RBM19: variants seen among roughly 807,000 people sequenced by gnomAD.
RBM19 encodes RNA binding motif protein 19.
In RBM19, 94 loss-of-function variants were observed where a neutral mutation model predicts 116.8. The ratio of observed to expected loss-of-function variants is 0.80; its 90% CI spans 0.68 to 0.95. The LOEUF is 0.95. Ranked by LOEUF, RBM19 falls within the 40% of genes least tolerant of loss-of-function variation. The pLI, the probability that RBM19 is intolerant of heterozygous loss-of-function variation, is 0.00. For missense variants in RBM19, 1,161 were observed against 1,220.7 expected (o/e 0.95, Z 0.73); for synonymous variants, 475 against 494.1 (o/e 0.96, Z 0.51).
chr12:113,938,426 T>TG (rs897697587), intron 15 of RBM19, among the ~76,000 whole-genome samples: 1 of 111,332 alleles, frequency 9.0e-6, no homozygotes, highest in African/African-American at 4.6e-5. Flanking sequence ...TAAGAATTGC[T>TG]GGGGGGCATA....
chr12:113,933,005 G>C lies in RBM19; in HGVS notation c.2068+4002C>G, dbSNP rs73399011. On this transcript the variant is annotated intron_variant, in intron 16 of 23. Transcript: ENST00000261741. ...GGCCTCCTCCCCTTTCCCGGCTCTCGGCGCTGGAGCTGACAGCAAAGACTG... is the reference window on the plus strand; with the variant it reads ...GGCCTCCTCCCCTTTCCCGGCTCTCCGCGCTGGAGCTGACAGCAAAGACTG... Among the ~76,000 whole-genome samples the C allele has an allele frequency of 6.8e-3, 1,029 of 152,162 alleles. 11 individuals carry two copies. The highest frequency in any genetic ancestry group is 0.023 in the African/African-American group (944 of 41,502).
chr12:113,946,220 T>G (rs1411220558), intron 12 of RBM19, 134 bp downstream of exon 12: 14 of 1,228,274 alleles, frequency 1.1e-5, no homozygotes, highest in Non-Finnish European at 1.5e-5. Context: ...ATTTTACAGA[T>G]GAGAAAACTG....
At chr12:113,889,648 T>TA (rs1173950398) in intron 21 of RBM19, among the ~76,000 whole-genome samples, 3 of 136,490 alleles carry the variant, frequency 2.2e-5, no homozygotes, top group Admixed American at 7.6e-5. Context: ...TTTTTCATAC[T>TA]AAAAAAACAA....
At chr12:113,924,780 T>C in intron 17 of RBM19, 23 bp from the exon 18 acceptor site, 1 of 1,526,628 alleles carries the variant, frequency 6.6e-7, no homozygotes, top group South Asian at 1.1e-5. Flanking sequence ...GTAACAAGTA[T>C]CATCAGCAGC....
intron 23 of RBM19, among the ~76,000 whole-genome samples, chr12:113,830,596 A>T (rs1435213447): frequency 1.7e-4 from 12 of 68,600 alleles, no homozygotes; most frequent in African/African-American, 2.4e-4. Flanking sequence ...GGGGTGGGCT[A>T]TGCCTGGGGG....
intron 7 of RBM19, among the ~76,000 whole-genome samples, chr12:113,954,383 G>A (rs566427191): frequency 6.6e-6 from 1 of 152,268 alleles, no homozygotes; most frequent in South Asian, 2.1e-4. Flanking sequence ...AAATGTATCA[G>A]TGGACGTCAC....
intron 22 of RBM19, among the ~76,000 whole-genome samples, chr12:113,852,195 T>C (rs553357289): frequency 1.5e-4 from 23 of 152,268 alleles, no homozygotes; most frequent in African/African-American, 5.5e-4. Flanking sequence ...CTCACTCTGA[T>C]CTCTGTAGGA....
intron 21 of RBM19, among the ~76,000 whole-genome samples, chr12:113,900,728 C>A (rs574344617): frequency 1.3e-5 from 2 of 152,324 alleles, no homozygotes; most frequent in Admixed American, 1.3e-4. Context: ...ACTCAGCTAA[C>A]CCGAGTATGT....
At chr12:113,853,402 A>G (rs939634990) in intron 22 of RBM19, among the ~76,000 whole-genome samples, 8 of 152,238 alleles carry the variant, frequency 5.3e-5, no homozygotes, top group Admixed American at 2.0e-4. Context: ...GTGAAAATAG[A>G]CCTTTTAAAA....
intron 2 of RBM19, among the ~76,000 whole-genome samples, chr12:113,961,639 G>A (rs916168793): frequency 6.6e-6 from 1 of 152,034 alleles, no homozygotes; most frequent in African/African-American, 2.4e-5. Flanking sequence ...ATGTTTTTAC[G>A]AAGTCACTAA....
rs150481481 is a variant in RBM19 at position 113,962,346 on chromosome 12, G to A, written c.105C>T (p.Phe35=). Residue 35 remains phenylalanine (F), a synonymous_variant, in exon 2 of 24, where the codon TTC becomes TTT. Transcript: ENST00000261741. ...ACTTGCGGAACTTGCCATCTTTGGT[G>A]AACTTCAGGCTGCAGTCTGTCAGCG... is the stretch of plus-strand genomic sequence containing the variant. ...FGTLTDCSLK[F]TKDGKFRKFG... The A allele has an allele frequency of 7.4e-6, 12 of 1,614,242 alleles. No homozygotes were observed. The African/African-American group carries it at 1.6e-4, about 22-fold the overall frequency.
chr12:113,924,596 A>G (rs1357610354), intron 18 of RBM19, 101 bp downstream of exon 18: 1 of 1,042,942 alleles, frequency 9.6e-7, no homozygotes, highest in African/African-American at 1.6e-5. Context: ...AAAATGTGCA[A>G]GGGAGAACTA....
chr12:113,864,704 G>A (rs1045582043), intron 21 of RBM19, among the ~76,000 whole-genome samples: 7 of 152,188 alleles, frequency 4.6e-5, no homozygotes, highest in African/African-American at 1.7e-4. Flanking sequence ...AGTGGAGGGA[G>A]GCTTGGGAAC....
intron 21 of RBM19, among the ~76,000 whole-genome samples, chr12:113,864,804 C>T (rs1414458089): frequency 6.6e-6 from 1 of 152,244 alleles, no homozygotes; most frequent in East Asian, 1.9e-4. Context: ...TCTCATCCAA[C>T]TCTCTAACAG....
chr12:113,840,636 C>T (rs573585037), intron 23 of RBM19, among the ~76,000 whole-genome samples: 9 of 152,310 alleles, frequency 5.9e-5, no homozygotes, highest in South Asian at 4.1e-4. Context: ...AGGCCGTGGC[C>T]GGAGAGCAGA....
intron 21 of RBM19, among the ~76,000 whole-genome samples, chr12:113,874,342 C>T (rs989797693): frequency 2.6e-5 from 4 of 152,178 alleles, no homozygotes; most frequent in African/African-American, 2.4e-5. Context: ...CTCTCATGAT[C>T]GGGCTCTCAA....
chr12:113,914,736 T>G (rs1882662079), intron 21 of RBM19, among the ~76,000 whole-genome samples: 1 of 152,250 alleles, frequency 6.6e-6, no homozygotes, highest in South Asian at 2.1e-4. Flanking sequence ...TTTCTCCATC[T>G]GCCTCGGAGA....
chr12:113,869,719 GA>G (rs76724316), intron 21 of RBM19, among the ~76,000 whole-genome samples: 13 of 148,002 alleles, frequency 8.8e-5, no homozygotes, highest in African/African-American at 1.7e-4. Flanking sequence ...AATTAAAGAG[GA>G]AAAAAAAAAC....
At chr12:113,868,307 C>A (rs7138219) in intron 21 of RBM19, among the ~76,000 whole-genome samples, 1 of 151,956 alleles carries the variant, frequency 6.6e-6, no homozygotes, top group Admixed American at 6.6e-5. Context: ...TAGATCTGTG[C>A]GTACAGTTTA....
Sources: gnomAD v4.1 joint callset for allele counts (sites outside exome capture counted in the v4.1 genomes callset) on GRCh38, gnomAD v4.1.1 for gene constraint, MANE v1.5 for transcripts, NCBI Gene and HGNC (gene_info 2026-07-23, HGNC 2026-07-21) for gene names.